Variants in REDIC1 observed in about 807,000 individuals in gnomAD.
REDIC1 encodes regulator of DNA class I crossover intermediates 1, also known as HEI10 Interacting Protein 1.
At chr12:39,673,759 C>T in the REDIC1 span, among the ~76,000 whole-genome samples, 2 of 152,320 alleles carry the variant, frequency 1.3e-5, no homozygotes, top group East Asian at 1.9e-4. Context: ...GGCATCCCAT[C>T]ATGTGATCTG....
the REDIC1 span, among the ~76,000 whole-genome samples, chr12:39,656,827 A>C: frequency 6.6e-6 from 1 of 152,202 alleles, no homozygotes; most frequent in South Asian, 2.1e-4. Context: ...ACATTTAAAA[A>C]AATTTAAAAA....
the REDIC1 span, among the ~76,000 whole-genome samples, chr12:39,744,173 G>T: frequency 3.3e-5 from 5 of 152,162 alleles, 1 homozygote; most frequent in South Asian, 1.0e-3. Context: ...AGCATGAAAA[G>T]AGTGGGGTGA....
chr12:39,878,845 TG>T, the REDIC1 span, among the ~76,000 whole-genome samples: 1 of 152,212 alleles, frequency 6.6e-6, no homozygotes, highest in Non-Finnish European at 1.5e-5. Context: ...GCCAAGACTA[TG>T]GGAAAAAGTC....
the REDIC1 span, among the ~76,000 whole-genome samples, chr12:39,821,007 T>C: frequency 3.3e-5 from 5 of 152,152 alleles, no homozygotes; most frequent in East Asian, 7.7e-4. Flanking sequence ...TACTTCCTAC[T>C]GCACTGCTCC....
the REDIC1 span, among the ~76,000 whole-genome samples, chr12:39,767,771 T>G: frequency 2.0e-5 from 3 of 152,126 alleles, no homozygotes; most frequent in Non-Finnish European, 4.4e-5. Flanking sequence ...ACCCTCATGC[T>G]GTTCTCATGA....
the REDIC1 span, among the ~76,000 whole-genome samples, chr12:39,876,425 G>A: frequency 2.0e-5 from 3 of 152,062 alleles, no homozygotes; most frequent in Non-Finnish European, 4.4e-5. Context: ...TTCTGAAAAA[G>A]CTATCTTTTT....
At chr12:39,742,302 A>G in the REDIC1 span, among the ~76,000 whole-genome samples, 1 of 152,064 alleles carries the variant, frequency 6.6e-6, no homozygotes, top group Non-Finnish European at 1.5e-5. Flanking sequence ...ACAGTTAAAT[A>G]TCCTTTTTTT....
chr12:39,712,428 ATATACATACGTATATG>A, the REDIC1 span, among the ~76,000 whole-genome samples: 1 of 121,308 alleles, frequency 8.2e-6, no homozygotes, highest in Non-Finnish European at 1.8e-5. Flanking sequence ...ACATACGTAT[ATATACATACGTATATG>A]TATACATACG....
chr12:39,836,555 G>T, the REDIC1 span, among the ~76,000 whole-genome samples: 1 of 151,046 alleles, frequency 6.6e-6, no homozygotes, highest in Non-Finnish European at 1.5e-5. Context: ...AATTGTCCCT[G>T]TTTGCAGACG....
At chr12:39,870,835 A>G in the REDIC1 span, among the ~76,000 whole-genome samples, 1 of 152,132 alleles carries the variant, frequency 6.6e-6, no homozygotes, top group Admixed American at 6.6e-5. Flanking sequence ...GGGTCAGGAG[A>G]GGGTATGTAT....
At chr12:39,896,172 GA>G in the REDIC1 span, among the ~76,000 whole-genome samples, 1 of 143,982 alleles carries the variant, frequency 6.9e-6, no homozygotes, top group African/African-American at 2.6e-5. Context: ...ATACATATAT[GA>G]ATATGTATAT....
At chr12:39,787,488 T>A in the REDIC1 span, among the ~76,000 whole-genome samples, 1 of 152,154 alleles carries the variant, frequency 6.6e-6, no homozygotes, top group Non-Finnish European at 1.5e-5. Context: ...TCTAGGAGAT[T>A]ATTTTTTTCC....
chr12:39,650,420 T>G, the REDIC1 span: 1 of 1,526,010 alleles, frequency 6.6e-7, no homozygotes, highest in Non-Finnish European at 8.8e-7. This position sits in a 1 kb window ranked among gnomAD's most constrained non-coding sequence, Gnocchi z 4.3. Context: ...AGAAATTTGA[T>G]TTTAATGGAC....
chr12:39,869,522 A>G, the REDIC1 span, among the ~76,000 whole-genome samples: 1 of 152,210 alleles, frequency 6.6e-6, no homozygotes, highest in Non-Finnish European at 1.5e-5. Flanking sequence ...GAATCACTGT[A>G]CAGTGTTTGT....
the REDIC1 span, among the ~76,000 whole-genome samples, chr12:39,895,784 ACG>A: frequency 2.4e-5 from 2 of 83,466 alleles, 1 homozygote; most frequent in Non-Finnish European, 5.0e-5. Context: ...ATGCGTGTAT[ACG>A]TACACACATG....
At chr12:39,762,710 A>C in the REDIC1 span, among the ~76,000 whole-genome samples, 1 of 152,106 alleles carries the variant, frequency 6.6e-6, no homozygotes, top group Non-Finnish European at 1.5e-5. Context: ...CATAGCTTAC[A>C]TAAACCAGTA....
chr12:39,801,455 A>G, the REDIC1 span, among the ~76,000 whole-genome samples: 1 of 152,126 alleles, frequency 6.6e-6, no homozygotes, highest in Admixed American at 6.6e-5. Context: ...GAAAATGACA[A>G]TCTGCTTGAG....
At chr12:39,807,422 C>G in the REDIC1 span, among the ~76,000 whole-genome samples, 1 of 152,250 alleles carries the variant, frequency 6.6e-6, no homozygotes, top group South Asian at 2.1e-4. Context: ...CATAATTATG[C>G]AAGTTGTTAT....
the REDIC1 span, among the ~76,000 whole-genome samples, chr12:39,636,342 A>G: frequency 6.6e-6 from 1 of 152,006 alleles, no homozygotes; most frequent in Admixed American, 6.6e-5. Context: ...ATTCATACTT[A>G]TGTGAAAACT....
Sources: allele counts gnomAD v4.1 joint callset (sites outside exome capture counted in the v4.1 genomes callset), GRCh38; gene constraint gnomAD v4.1.1; non-coding constraint Gnocchi (gnomAD v3.1); transcripts MANE v1.5; gene names NCBI Gene and HGNC (gene_info 2026-07-23, HGNC 2026-07-21).